The following PRKCB variants were observed in gnomAD, a reference collection of about 807,000 sequenced individuals.
PRKCB encodes the protein protein kinase C beta.
In PRKCB, 13 loss-of-function variants were observed where a neutral mutation model predicts 81.5. The observed-to-expected ratio is 0.16, with a 90% confidence interval of 0.10 to 0.25. PRKCB has a LOEUF of 0.25. Ranked by LOEUF, PRKCB falls within the 10% of genes least tolerant of loss-of-function variation. The pLI is 1.00. For missense variants in PRKCB, 509 were observed against 875.7 expected (o/e 0.58, Z 5.29); for synonymous variants, 335 against 321.4 (o/e 1.04, Z -0.45).
chr16:24,063,612 G>T (rs960411120), intron 5 of PRKCB, among the ~76,000 whole-genome samples: 1 of 152,044 alleles, frequency 6.6e-6, no homozygotes, highest in Non-Finnish European at 1.5e-5. Flanking sequence ...TACTTTCACT[G>T]GGTTCCATTT....
intron 10 of PRKCB, among the ~76,000 whole-genome samples, chr16:24,161,261 T>C (rs910193098): frequency 2.0e-5 from 3 of 152,168 alleles, no homozygotes; most frequent in Non-Finnish European, 4.4e-5. Context: ...ACATCAGAAA[T>C]AATCTTATAT....
chr16:24,209,377 C>T (rs1968101264), intron 16 of PRKCB, among the ~76,000 whole-genome samples: 2 of 152,114 alleles, frequency 1.3e-5, no homozygotes, highest in Admixed American at 6.5e-5. Context: ...CCCGATGCCA[C>T]GGCCACCAAT....
At chr16:23,880,129 C>G (rs1194982474) in intron 2 of PRKCB, among the ~76,000 whole-genome samples, 1 of 152,210 alleles carries the variant, frequency 6.6e-6, no homozygotes, top group African/African-American at 2.4e-5. Context: ...CTAAGCCAGG[C>G]AGCATGGTAG....
At chr16:24,007,734 T>C (rs867072393) in intron 3 of PRKCB, among the ~76,000 whole-genome samples, 2 of 152,166 alleles carry the variant, frequency 1.3e-5, no homozygotes, top group African/African-American at 4.8e-5. Context: ...CTTCTCCTAG[T>C]TGGGAGGCAG....
chr16:24,061,290 A>G (rs1965970378), intron 5 of PRKCB, among the ~76,000 whole-genome samples: 1 of 152,148 alleles, frequency 6.6e-6, no homozygotes, highest in Non-Finnish European at 1.5e-5. Context: ...CAAACTCCTG[A>G]GCTCAAGTGA....
At chr16:24,133,619 C>G (rs902623339) in intron 9 of PRKCB, among the ~76,000 whole-genome samples, 5 of 152,222 alleles carry the variant, frequency 3.3e-5, no homozygotes, top group African/African-American at 1.2e-4. Flanking sequence ...TCCACTCACA[C>G]CCTGCCCATT....
At chr16:24,202,811 G>A (rs1424764840) in intron 16 of PRKCB, among the ~76,000 whole-genome samples, 1 of 152,188 alleles carries the variant, frequency 6.6e-6, no homozygotes, top group Non-Finnish European at 1.5e-5. Context: ...ATATAAGTGA[G>A]TTTATCTGTA....
chr16:24,076,251 T>C (rs896826668), intron 5 of PRKCB, among the ~76,000 whole-genome samples: 9 of 152,106 alleles, frequency 5.9e-5, no homozygotes, highest in African/African-American at 1.4e-4. Context: ...TTAAGCCCAA[T>C]TGGGATTTGG....
chr16:24,119,459 TG>T (rs1966773258), intron 8 of PRKCB, among the ~76,000 whole-genome samples: 1 of 151,930 alleles, frequency 6.6e-6, no homozygotes, highest in African/African-American at 2.4e-5. Context: ...CGCAGGTGGA[TG>T]GGAAAGTTCC....
At chr16:24,086,712 T>C (rs1454588052) in intron 5 of PRKCB, among the ~76,000 whole-genome samples, 1 of 152,220 alleles carries the variant, frequency 6.6e-6, no homozygotes, top group Non-Finnish European at 1.5e-5. Flanking sequence ...ATGTGATGGA[T>C]AAAGCTAAAA....
At chr16:24,063,889 G>A (rs1966002840) in intron 5 of PRKCB, among the ~76,000 whole-genome samples, 1 of 152,176 alleles carries the variant, frequency 6.6e-6, no homozygotes, top group African/African-American at 2.4e-5. Context: ...GTTTTTGAAG[G>A]CTGAACATGT....
chr16:23,920,990 A>G (rs1406842569), intron 2 of PRKCB, among the ~76,000 whole-genome samples: 2 of 152,190 alleles, frequency 1.3e-5, no homozygotes, highest in Non-Finnish European at 2.9e-5. Flanking sequence ...CACGTCTTAC[A>G]TGGTGGCAGG....
At chr16:24,185,427 ATTC>A (rs1967688533) in intron 14 of PRKCB, 30 bp from the exon 15 acceptor site, 23 of 1,585,112 alleles carry the variant, frequency 1.5e-5, no homozygotes, top group Non-Finnish European at 1.8e-5. Flanking sequence ...TCAAGCAGGG[ATTC>A]TTCTCCTCCC....
rs116530824 is a variant in PRKCB, at chr16:24,013,770, A to C, written c.289-18366A>C. 5.9e-3 allele frequency among the ~76,000 whole-genome samples: 780 copies of C among 131,182 alleles called. 9 individuals carry two copies. Among genetic ancestry groups the C allele is most frequent in the African/African-American group, 0.021 (724 of 33,934 alleles). 86.1% of individuals were successfully genotyped at this position (131,182 alleles called of 152,430 possible). ...TTCTTGGTAAAAGATGAAAGGTGAG[A>C]TGTGGAATTGCAAAAAAAAAAAAAA... On this transcript the variant is annotated intron_variant, in intron 3 of 16. Coordinates refer to ENST00000643927, the MANE Select transcript of PRKCB (RefSeq NM_002738.7).
chr16:24,109,950 G>T (rs1966650678), intron 7 of PRKCB, among the ~76,000 whole-genome samples: 1 of 126,192 alleles, frequency 7.9e-6, no homozygotes, highest in Non-Finnish European at 1.6e-5. Context: ...ACCAAAACCA[G>T]TCAGGCGTGG....
chr16:23,878,132 C>A (rs1253624241), intron 2 of PRKCB, among the ~76,000 whole-genome samples: 1 of 152,212 alleles, frequency 6.6e-6, no homozygotes, highest in Non-Finnish European at 1.5e-5. Flanking sequence ...CCGCACCCGG[C>A]CTGTCACTTC....
chr16:24,103,847 C>G (rs1196964220), intron 7 of PRKCB, among the ~76,000 whole-genome samples: 1 of 152,042 alleles, frequency 6.6e-6, no homozygotes, highest in Non-Finnish European at 1.5e-5. Context: ...CTCTTGTTGC[C>G]CAGGCTGGAG....
intron 2 of PRKCB, among the ~76,000 whole-genome samples, chr16:23,874,238 G>A (rs1962958163): frequency 6.6e-6 from 1 of 152,204 alleles, no homozygotes; most frequent in Non-Finnish European, 1.5e-5. Flanking sequence ...TGAGCTAAAA[G>A]TTCTTTCACC....
Position 24,218,790 on chromosome 16 carries a change from A to G in PRKCB, c.*3974A>G. On this transcript the variant is annotated 3_prime_UTR_variant, in exon 17 of 17. Coordinates refer to ENST00000643927, the MANE Select transcript of PRKCB (RefSeq NM_002738.7). ...GAGGCAACTTTGGCTGCAGCCCGGG[A>G]ATGTGCAGGGCACTAGGGAATACAA... The G allele has an allele frequency of 1.2e-5, 12 of 985,304 alleles. No homozygotes were observed. Among genetic ancestry groups the G allele is most frequent in the Non-Finnish European group, 1.4e-5 (12 of 829,928 alleles). 61.0% of individuals were successfully genotyped at this position (985,304 alleles called of 1,614,324 possible). A position where few individuals can be genotyped will look rare whatever the true frequency, so the allele number is the denominator to read the frequency against.
Sources: gnomAD v4.1 joint callset for allele counts (sites outside exome capture counted in the v4.1 genomes callset) on GRCh38, gnomAD v4.1.1 for gene constraint, MANE v1.5 for transcripts, NCBI Gene and HGNC (gene_info 2026-07-23, HGNC 2026-07-21) for gene names.